CFAP43: variants seen among roughly 807,000 people sequenced by gnomAD.
CFAP43 encodes the protein cilia and flagella associated protein 43, also known as cilia- and flagella-associated protein 43.
In CFAP43, 155 loss-of-function variants were observed where a neutral mutation model predicts 218.9. The ratio of observed to expected loss-of-function variants is 0.71; its 90% CI spans 0.62 to 0.81. The LOEUF is 0.81. Ranked by LOEUF, CFAP43 falls within the 30% of genes least tolerant of loss-of-function variation. The probability of loss-of-function intolerance (pLI) is 0.00; values close to 1 mark genes in which losing one functional copy is unlikely to be tolerated. For missense variants in CFAP43, 1,778 were observed against 1,954.3 expected (o/e 0.91, Z 1.70); for synonymous variants, 645 against 681.3 (o/e 0.95, Z 0.83).
intron 28 of CFAP43, 44 bp downstream of exon 28, chr10:104,152,563 C>A: frequency 6.2e-7 from 1 of 1,607,818 alleles, no homozygotes; most frequent in Admixed American, 1.7e-5. Context: ...ATGGAAGGGC[C>A]CTGCAAGCTC....
At chr10:104,133,953 A>G in intron 34 of CFAP43, among the ~76,000 whole-genome samples, 169 bp from the exon 35 acceptor site, 1 of 152,242 alleles carries the variant, frequency 6.6e-6, no homozygotes, top group East Asian at 1.9e-4. Flanking sequence ...TCTGATCACT[A>G]TAAAGCATGA....
intron 10 of CFAP43, 105 bp downstream of exon 10, chr10:104,196,748 C>T: frequency 2.1e-6 from 2 of 934,048 alleles, no homozygotes; most frequent in African/African-American, 1.7e-5. Flanking sequence ...TGCAGTGAGG[C>T]TTCGGTAACA....
intron 19 of CFAP43, among the ~76,000 whole-genome samples, chr10:104,175,522 A>G (rs1172768836): frequency 6.6e-6 from 1 of 152,222 alleles, no homozygotes; most frequent in African/African-American, 2.4e-5. Context: ...AGATGAAAAT[A>G]TCATGTCAAA....
intron 19 of CFAP43, 34 bp from the exon 20 acceptor site, chr10:104,172,569 T>A: frequency 6.5e-7 from 1 of 1,536,614 alleles, no homozygotes; most frequent in Non-Finnish European, 8.7e-7. Flanking sequence ...TGCTGACAAG[T>A]AAAGAATTAA....
chr10:104,206,077 T>C, intron 6 of CFAP43, 47 bp from the exon 7 acceptor site: 1 of 1,440,522 alleles, frequency 6.9e-7, no homozygotes, highest in Non-Finnish European at 9.6e-7. Flanking sequence ...TAATTAAAAG[T>C]ACAATGTAAC....
chr10:104,193,770 A>AT, intron 11 of CFAP43, 96 bp downstream of exon 11: 2 of 1,432,076 alleles, frequency 1.4e-6, no homozygotes, highest in Non-Finnish European at 1.9e-6. Context: ...CAAATGAAAC[A>AT]CGTAAAACTT....
In CFAP43 at chr10:104,187,408, G is replaced by C; in HGVS notation, c.1772C>G (p.Ser591Cys). The change falls in exon 14 of 38, where the codon TCC becomes TGC. Residue 591 changes from serine (S) to cysteine (C), a missense_variant. Transcript: ENST00000357060. ...ACTTTGAAAGCCCAAGACTGCAGAGGACAGAGCGTGCTCCAACTCATACAG... is the reference window on the plus strand; with the variant it reads ...ACTTTGAAAGCCCAAGACTGCAGAGCACAGAGCGTGCTCCAACTCATACAG... ...KYLYELEHAL[S>C]SAVLGFQSNQ... is the part of the protein sequence containing the mutation. The C allele has an allele frequency of 1.9e-6, 3 of 1,611,354 alleles. No homozygotes were observed. The highest frequency in any genetic ancestry group is 2.5e-6 in the Non-Finnish European group (3 of 1,179,090).
intron 14 of CFAP43, 31 bp from the exon 15 acceptor site, chr10:104,186,154 G>C (rs2090022326): frequency 6.9e-7 from 1 of 1,450,566 alleles, no homozygotes; most frequent in African/African-American, 1.4e-5. Context: ...CCACATTATA[G>C]AAAAGATCAG....
intron 14 of CFAP43, 101 bp from the exon 15 acceptor site, chr10:104,186,224 A>G (rs1457834294): frequency 1.0e-6 from 1 of 999,698 alleles, no homozygotes; most frequent in African/African-American, 1.7e-5. Flanking sequence ...CATTGTAAAT[A>G]AAATGATATG....
At chr10:104,131,014 A>G (rs548163757) in intron 37 of CFAP43, among the ~76,000 whole-genome samples, 3 of 150,948 alleles carry the variant, frequency 2.0e-5, no homozygotes, top group South Asian at 2.1e-4. Context: ...AAAAAAAAAA[A>G]AAAAAAAGAA....
At chr10:104,178,974 A>G in intron 19 of CFAP43, 55 bp downstream of exon 19, 1 of 1,431,828 alleles carries the variant, frequency 7.0e-7, no homozygotes, top group Non-Finnish European at 9.7e-7. Context: ...TAAGTTCAAA[A>G]AGTAATTTTA....
At chr10:104,172,638 T>A (rs2134848131) in intron 19 of CFAP43, 103 bp from the exon 20 acceptor site, 1 of 1,007,770 alleles carries the variant, frequency 9.9e-7, no homozygotes, top group Non-Finnish European at 1.4e-6. Flanking sequence ...AAAATAGATG[T>A]TCTATTTATC....
At chr10:104,230,451 C>G in intron 2 of CFAP43, 139 bp downstream of exon 2, 1 of 1,155,972 alleles carries the variant, frequency 8.7e-7, no homozygotes, top group Non-Finnish European at 1.2e-6. Context: ...GGCAACAGGG[C>G]AAAACTCCAT....
rs372598864 is a variant in CFAP43, at chr10:104,164,200, C to A, written c.3140G>T (p.Arg1047Leu). The A allele has an allele frequency of 1.9e-6, 3 of 1,613,952 alleles. No homozygotes were observed. The highest frequency in any genetic ancestry group is 2.7e-5 in the African/African-American group (2 of 74,898). The change falls in exon 24 of 38, where the codon CGA (arginine) becomes CTA (leucine). Residue 1047 changes from arginine (R) to leucine (L), a missense_variant. Arg to Leu is a moderately radical substitution (Grantham distance 102, BLOSUM62 -2). Transcript: ENST00000357060. Reference protein sequence around the residue: ...EIARVKERNVRIREIILDLEL... With the variant: ...EIARVKERNVLIREIILDLEL... Reference sequence around the variant, plus strand: ...CAGATCTAAAATAATTTCTCGAATTCGAACATTTCTTTCCTTCACGCGTGC... The same window carrying A: ...CAGATCTAAAATAATTTCTCGAATTAGAACATTTCTTTCCTTCACGCGTGC...
Position 104,187,487 on chromosome 10 carries a change from T to C in CFAP43, c.1693A>G (p.Thr565Ala). 1 of 1,569,984 alleles carries C rather than the reference T, an allele frequency of 6.4e-7. No homozygotes were observed. The highest frequency in any genetic ancestry group is 2.3e-5 in the East Asian group (1 of 43,070). ...TLPTLLPQVS[T>A]TFADERGRLK... is the part of the protein sequence containing the mutation. ...CTTCCTCTTTCATCAGCAAAGGTTG[T>C]GGAAACTATTAGATTTGGAAAAAGA... The change falls in exon 14 of 38, where the codon ACA becomes GCA. Residue 565 changes from threonine (T) to alanine (A), a missense_variant. By Grantham distance (58) the Thr-to-Ala change is moderately conservative. This residue lies in a region of CFAP43 where 1,553 missense variants were observed against 1,685.2 expected (regional missense o/e 0.92). Transcript: ENST00000357060.
intron 12 of CFAP43, among the ~76,000 whole-genome samples, chr10:104,189,888 C>A (rs922236495): frequency 6.6e-6 from 1 of 152,070 alleles, no homozygotes; most frequent in Admixed American, 6.5e-5. Context: ...CAAAAAAAGG[C>A]CAGGCGTGGT....
At chr10:104,221,576 A>G (rs1222489845) in intron 3 of CFAP43, among the ~76,000 whole-genome samples, 1 of 152,184 alleles carries the variant, frequency 6.6e-6, no homozygotes, top group Non-Finnish European at 1.5e-5. Context: ...TGGAATTTCT[A>G]GCCTTCAGAA....
chr10:104,229,173 C>G (rs1051368458), intron 2 of CFAP43, among the ~76,000 whole-genome samples: 4 of 152,244 alleles, frequency 2.6e-5, no homozygotes, highest in African/African-American at 9.6e-5. Context: ...TCACCACAAA[C>G]AAAGTATTAT....
At chr10:104,138,236 C>A (rs2087540772) in intron 34 of CFAP43, among the ~76,000 whole-genome samples, 1 of 152,172 alleles carries the variant, frequency 6.6e-6, no homozygotes, top group South Asian at 2.1e-4. Context: ...GTCTCTTTCT[C>A]CATACTCCAG....
Sources: gnomAD v4.1 joint callset for allele counts (sites outside exome capture counted in the v4.1 genomes callset) on GRCh38, gnomAD v4.1.1 for gene constraint, gnomAD v4.1.1 regional missense constraint, MANE v1.5 for transcripts, NCBI Gene and HGNC (gene_info 2026-07-23, HGNC 2026-07-21) for gene names.